MED16: variants seen among roughly 807,000 people sequenced by gnomAD.
MED16 encodes mediator complex subunit 16, also known as mediator of RNA polymerase II transcription subunit 16.
Under a neutral mutation model 84.4 loss-of-function variants are expected in MED16, and 81 were observed. The observed-to-expected ratio is 0.96, with a 90% CI of 0.80 to 1.15. The LOEUF (loss-of-function observed/expected upper bound fraction) is 1.15. MED16 is among the 50% of genes most tolerant of loss of function. The probability of loss-of-function intolerance (pLI) is 0.00; values close to 1 mark genes in which losing one functional copy is unlikely to be tolerated. For missense variants in MED16, 1,585 were observed against 1,245.9 expected, an observed-to-expected ratio of 1.27 and a Z score of -4.10; for synonymous variants, 897 against 552.2, an observed-to-expected ratio of 1.62 and a Z score of -8.76.
chr19:881,256 G>A (rs1177631639), intron 7 of MED16, among the ~76,000 whole-genome samples: 2 of 152,232 alleles, frequency 1.3e-5, no homozygotes, highest in Admixed American at 6.5e-5. Flanking sequence ...GAGGACACAT[G>A]CCGCCTACCC....
intron 1 of MED16, 125 bp from the exon 2 acceptor site, chr19:891,274 G>A (rs936223715): frequency 3.5e-5 from 33 of 951,978 alleles, no homozygotes; most frequent in East Asian, 1.0e-4. Flanking sequence ...GCAAAGGCCC[G>A]GAGGCCAGAC....
intron 10 of MED16, among the ~76,000 whole-genome samples, chr19:874,367 C>T (rs1320038152): frequency 6.6e-6 from 1 of 152,212 alleles, no homozygotes; most frequent in Non-Finnish European, 1.5e-5. Context: ...CCGCGTTGGC[C>T]TCCCAAAGTG....
In MED16 at chr19:880,103, C is replaced by G; in HGVS notation, c.1187G>C (p.Arg396Pro). The change falls in exon 8 of 16, where the codon CGG (arginine) becomes CCG (proline). Residue 396 changes from arginine to proline, a missense_variant. Arg to Pro is a moderately radical substitution (Grantham distance 103, BLOSUM62 -2). Coordinates refer to ENST00000325464, the MANE Select transcript of MED16 (RefSeq NM_005481.3). Reference sequence around the variant, plus strand: ...GACGGCCATGGTCTGCAGTGAGAGCCGGTGCACGATGTGGACGCTGCCGTC... The same window carrying G: ...GACGGCCATGGTCTGCAGTGAGAGCGGGTGCACGATGTGGACGCTGCCGTC... ...FHDGSVHIVH[R>P]LSLQTMAVFY... 6.2e-7 allele frequency: 1 copy of G among 1,610,666 alleles called. No individual in the cohort carries two copies. The highest frequency in any genetic ancestry group is 8.5e-7 in the Non-Finnish European group (1 of 1,179,420).
At chr19:885,480 C>T (rs1205006839) in intron 5 of MED16, among the ~76,000 whole-genome samples, 1 of 152,072 alleles carries the variant, frequency 6.6e-6, no homozygotes, top group Non-Finnish European at 1.5e-5. Flanking sequence ...CCCCAGTGTC[C>T]TCACAGGGTC....
chr19:877,300 G>T, intron 8 of MED16, 120 bp from the exon 9 acceptor site: 2 of 848,242 alleles, frequency 2.4e-6, no homozygotes, highest in Non-Finnish European at 3.6e-6. Flanking sequence ...ACGCCCGTGT[G>T]TGGGCCTGTG....
intron 4 of MED16, among the ~76,000 whole-genome samples, chr19:887,321 A>G (rs1203550774): frequency 6.6e-6 from 1 of 152,166 alleles, no homozygotes; most frequent in Non-Finnish European, 1.5e-5. Flanking sequence ...GCAGGCTGGC[A>G]TGTCTGAGAC....
At chr19:891,287 A>G (rs913364646) in intron 1 of MED16, 138 bp from the exon 2 acceptor site, 7 of 835,846 alleles carry the variant, frequency 8.4e-6, no homozygotes, top group Non-Finnish European at 1.1e-5. Context: ...GGCCAGACAG[A>G]GCCTGGGGCT....
chr19:889,747 T>TGGTC lies in MED16; in HGVS notation c.334_337dup (p.His113ArgfsTer5). The TGGTC allele has an allele frequency of 6.2e-7, 1 of 1,613,506 alleles. No individual in the cohort carries two copies. The highest frequency in any genetic ancestry group is 2.2e-5 in the East Asian group (1 of 44,876). ...TGAGCTCTCCCAGCTATTAGCCAGG[T>TGGTC]GGTCCGCCATGCTCCAGCACTTGAT... On this transcript the variant is annotated frameshift_variant, in exon 4 of 16. Transcript: ENST00000325464. LOFTEE classifies it high-confidence loss of function.
chr19:870,368 C>T (rs1021254409), intron 13 of MED16, among the ~76,000 whole-genome samples: 1 of 152,092 alleles, frequency 6.6e-6, no homozygotes, highest in Admixed American at 6.6e-5. Context: ...CAAGACCAGC[C>T]TGGCCAACAT....
At chr19:884,254 G>T (rs898110719) in intron 6 of MED16, among the ~76,000 whole-genome samples, 3 of 152,204 alleles carry the variant, frequency 2.0e-5, no homozygotes, top group Non-Finnish European at 2.9e-5. Context: ...AAAACCAAGC[G>T]GCTGTTCTGG....
chr19:868,967 G>A (rs369228460), intron 13 of MED16, 21 bp from the exon 14 acceptor site: 108 of 1,527,024 alleles, frequency 7.1e-5, no homozygotes, highest in Admixed American at 1.7e-4. Flanking sequence ...AGGGGAGAAC[G>A]TGAGGGAGGC....
At position 877,294 on chromosome 19, in the gene MED16, CCGTGTGTGGG is replaced by C. The variant is rs891731993; in HGVS notation, c.1354-124_1354-115del. On this transcript the variant is annotated intron_variant, in intron 8 of 15. Transcript: ENST00000325464. ...TGTGTGGATCTGTGTGCGCGCACGCCCGTGTGTGGGCCTGTGTGCGCGCATGTGTCTGTAG... is the reference window on the plus strand; with the variant it reads ...TGTGTGGATCTGTGTGCGCGCACGCCCCTGTGTGCGCGCATGTGTCTGTAG... 20 of 959,806 alleles carry C rather than the reference CCGTGTGTGGG, an allele frequency of 2.1e-5. No individual in the cohort carries two copies. The African/African-American group carries it at 3.7e-4, about 18-fold the overall frequency. 59.5% of individuals were successfully genotyped at this position (959,806 alleles called of 1,614,324 possible).
chr19:870,566 C>CAAAAA (rs1227950208), intron 13 of MED16, among the ~76,000 whole-genome samples: 3 of 103,680 alleles, frequency 2.9e-5, no homozygotes, highest in South Asian at 3.6e-4. Flanking sequence ...GTCGGGGAGA[C>CAAAAA]AAAAAAAAAA....
intron 4 of MED16, 126 bp downstream of exon 4, chr19:889,512 G>T: frequency 2.7e-6 from 3 of 1,097,676 alleles, no homozygotes; most frequent in Non-Finnish European, 3.9e-6. Flanking sequence ...CGGACTGCAG[G>T]TGGGAGCCAA....
At position 871,231 on chromosome 19, in the gene MED16, G is replaced by T; in HGVS notation, c.2121C>A (p.Ser707Arg). ...CATCCACCAGCGCCTCGTCCGGCTC[G>T]CTCGCTGGGCCCTCATCGCGACCTG... ...WICCRDEGPA[S>R]EPDEALVDEC... Residue 707 changes from serine (S) to arginine (R), a missense_variant, in exon 13 of 16, where the codon AGC becomes AGA. By Grantham distance (110) the Ser-to-Arg change is moderately radical. Transcript: ENST00000325464. 1 of 1,541,734 alleles carries T rather than the reference G, an allele frequency of 6.5e-7. No individual in the cohort carries two copies. Among genetic ancestry groups the T allele is most frequent in the Non-Finnish European group, 8.8e-7 (1 of 1,140,426 alleles).
intron 10 of MED16, among the ~76,000 whole-genome samples, chr19:874,648 T>A (rs905551396): frequency 3.3e-5 from 5 of 151,748 alleles, no homozygotes; most frequent in Admixed American, 6.6e-5. Context: ...TAGAGAGAGG[T>A]GAAAGGATCG....
chr19:873,288 C>G (rs886068858), intron 11 of MED16, among the ~76,000 whole-genome samples, 161 bp downstream of exon 11: 1 of 83,832 alleles, frequency 1.2e-5, no homozygotes, highest in Admixed American at 1.4e-4. Flanking sequence ...GGACTCCAAG[C>G]AGGGGCGGGA....
At chr19:873,381 G>C in intron 11 of MED16, 68 bp downstream of exon 11, 1 of 1,529,582 alleles carries the variant, frequency 6.5e-7, no homozygotes, top group East Asian at 2.3e-5. Context: ...GCAGGGGCAG[G>C]GAAGCGGGGT....
chr19:871,944 T>TGAGCA lies in MED16; in HGVS notation c.2075_2079dup (p.Thr694CysfsTer125). 6.3e-7 allele frequency: 1 copy of TGAGCA among 1,583,720 alleles called. No homozygotes were observed. Among genetic ancestry groups the TGAGCA allele is most frequent in the Non-Finnish European group, 8.6e-7 (1 of 1,168,438 alleles). On this transcript the variant is annotated frameshift_variant, in exon 12 of 16. Coordinates refer to ENST00000325464, the MANE Select transcript of MED16 (RefSeq NM_005481.3). LOFTEE classifies it high-confidence loss of function. Reference sequence around the variant, plus strand: ...GCCTCACAGCAGATCCAGAGCTTGGTGAGCAGGCGGAAGAGCAGGGACATG... The same window carrying TGAGCA: ...GCCTCACAGCAGATCCAGAGCTTGGTGAGCAGAGCAGGCGGAAGAGCAGGGACATG...
Sources: allele counts gnomAD v4.1 joint callset (sites outside exome capture counted in the v4.1 genomes callset), GRCh38; gene constraint gnomAD v4.1.1; transcripts MANE v1.5; gene names NCBI Gene and HGNC (gene_info 2026-07-23, HGNC 2026-07-21).